Variants in CNTNAP4 observed in about 807,000 individuals in gnomAD.
The protein encoded by CNTNAP4 is contactin associated protein family member 4.
CNTNAP4 carries 98 observed loss-of-function variants against 148.4 expected under a neutral mutation model. The ratio of observed to expected loss-of-function variants is 0.66; its 90% confidence interval spans 0.56 to 0.78. CNTNAP4 has a LOEUF of 0.78. CNTNAP4 is among the 30% of genes least tolerant of loss of function. CNTNAP4 has a pLI of 0.00. For missense variants in CNTNAP4, 1,935 were observed against 1,565.6 expected (o/e 1.24, Z -3.98); for synonymous variants, 730 against 565.1 (o/e 1.29, Z -4.14).
intron 21 of CNTNAP4, among the ~76,000 whole-genome samples, chr16:76,544,168 T>A (rs2084594908): frequency 6.6e-6 from 1 of 152,124 alleles, no homozygotes; most frequent in African/African-American, 2.4e-5. Flanking sequence ...GTTTTTATAA[T>A]GTCTGGATAT....
chr16:76,553,733 C>G, intron 22 of CNTNAP4, 103 bp from the exon 23 acceptor site: 2 of 727,710 alleles, frequency 2.7e-6, no homozygotes, highest in Non-Finnish European at 4.6e-6. Flanking sequence ...ATCCCACATT[C>G]GCCTCCATAA....
intron 19 of CNTNAP4, 87 bp downstream of exon 19, chr16:76,538,427 C>A: frequency 9.7e-7 from 1 of 1,032,418 alleles, no homozygotes; most frequent in South Asian, 1.5e-5. Flanking sequence ...TCTGGCTTCT[C>A]AAGCTACAAA....
intron 2 of CNTNAP4, among the ~76,000 whole-genome samples, chr16:76,319,449 G>A (rs1962175415): frequency 6.6e-6 from 1 of 152,154 alleles, no homozygotes; most frequent in Non-Finnish European, 1.5e-5. Context: ...TCCATTCGAA[G>A]TATGCTAATT....
chr16:76,415,056 A>T (rs1384455391), intron 3 of CNTNAP4, among the ~76,000 whole-genome samples: 3 of 151,272 alleles, frequency 2.0e-5, no homozygotes, highest in Non-Finnish European at 4.5e-5. Context: ...TCAAAATGAA[A>T]AATAATTACA....
At chr16:76,305,612 G>T (rs979699008) in intron 1 of CNTNAP4, among the ~76,000 whole-genome samples, 2 of 152,158 alleles carry the variant, frequency 1.3e-5, no homozygotes, top group African/African-American at 4.8e-5. Flanking sequence ...GGTTTACTTG[G>T]CTTAGCAGTG....
chr16:76,474,463 T>C (rs1334146518), intron 10 of CNTNAP4, among the ~76,000 whole-genome samples: 1 of 151,918 alleles, frequency 6.6e-6, no homozygotes, highest in East Asian at 1.9e-4. Flanking sequence ...GTCCTTATAA[T>C]AAGGAAAAAA....
intron 2 of CNTNAP4, among the ~76,000 whole-genome samples, chr16:76,325,462 C>CT (rs1329345078): frequency 6.6e-6 from 1 of 152,000 alleles, no homozygotes; most frequent in Non-Finnish European, 1.5e-5. Context: ...AGTAAGTGCC[C>CT]TAGCTATAGT....
intron 7 of CNTNAP4, among the ~76,000 whole-genome samples, chr16:76,450,218 C>T (rs908659711): frequency 2.6e-5 from 4 of 152,074 alleles, no homozygotes; most frequent in South Asian, 2.1e-4. Flanking sequence ...GGCATAATCT[C>T]GGCTCACTGC....
At chr16:76,382,213 T>C (rs1039436757) in intron 3 of CNTNAP4, among the ~76,000 whole-genome samples, 1 of 152,028 alleles carries the variant, frequency 6.6e-6, no homozygotes, top group Non-Finnish European at 1.5e-5. Flanking sequence ...TTAATAATTG[T>C]ATACAAAATT....
rs1469148571 is a variant in CNTNAP4 at position 76,505,295 on chromosome 16, A to G, written c.2365+6601A>G. On this transcript the variant is annotated intron_variant, in intron 15 of 23. Coordinates refer to ENST00000611870, the MANE Select transcript of CNTNAP4 (RefSeq NM_033401.5). Reference sequence around the variant, plus strand: ...ATACACAGTGGAATACTACTAAACAATTAAAAAATAGACTATTGATAACGT... The same window carrying G: ...ATACACAGTGGAATACTACTAAACAGTTAAAAAATAGACTATTGATAACGT... 2.6e-4 allele frequency among the ~76,000 whole-genome samples: 11 copies of G among 41,850 alleles called. 3 individuals carry two copies. The Admixed American group carries it at 3.1e-3, about 12-fold the overall frequency. The allele number at this position is 41,850 out of a possible 152,430, so 27.5% of individuals were successfully genotyped here. A position where few individuals can be genotyped will look rare whatever the true frequency, so the allele number is the denominator to read the frequency against.
At chr16:76,445,518 C>T (rs1487773513) in intron 4 of CNTNAP4, among the ~76,000 whole-genome samples, 2 of 152,060 alleles carry the variant, frequency 1.3e-5, no homozygotes, top group Non-Finnish European at 2.9e-5. Context: ...GTAAGAATGA[C>T]AGAAAATGAC....
chr16:76,321,728 G>T (rs1040343066), intron 2 of CNTNAP4, among the ~76,000 whole-genome samples: 1 of 145,618 alleles, frequency 6.9e-6, no homozygotes, highest in East Asian at 2.0e-4. Flanking sequence ...GGTGGAGGTT[G>T]TAGTGAGCTG....
At chr16:76,303,529 T>TA (rs1960191594) in intron 1 of CNTNAP4, among the ~76,000 whole-genome samples, 1 of 152,156 alleles carries the variant, frequency 6.6e-6, no homozygotes, top group Non-Finnish European at 1.5e-5. Context: ...AGCACATACT[T>TA]AGGAGGACAT....
chr16:76,331,185 T>C (rs1567731626), intron 2 of CNTNAP4, among the ~76,000 whole-genome samples: 6 of 151,920 alleles, frequency 3.9e-5, no homozygotes, highest in African/African-American at 1.5e-4. Context: ...TTGTTTTCTG[T>C]TTTTTCTTTT....
rs114487053 is a variant in CNTNAP4 at position 76,530,511 on chromosome 16, C to T, written c.2756-5034C>T. 4.6e-3 allele frequency among the ~76,000 whole-genome samples: 706 copies of T among 152,274 alleles called. 4 individuals are homozygous for T. Among genetic ancestry groups the T allele is most frequent in the African/African-American group, 0.017 (686 of 41,552 alleles). Reference sequence around the variant, plus strand: ...GTGATTATTCATCAGTGAACAACAGCTGATTTCTCTAAAATAGGCCTTAGC... The same window carrying T: ...GTGATTATTCATCAGTGAACAACAGTTGATTTCTCTAAAATAGGCCTTAGC... On this transcript the variant is annotated intron_variant, in intron 17 of 23. Transcript: ENST00000611870.
chr16:76,526,701 TCTCA>T (rs2083748865), intron 17 of CNTNAP4, among the ~76,000 whole-genome samples: 1 of 152,106 alleles, frequency 6.6e-6, no homozygotes, highest in Non-Finnish European at 1.5e-5. Flanking sequence ...TGAGACAGAG[TCTCA>T]CTATGTCACT....
intron 17 of CNTNAP4, among the ~76,000 whole-genome samples, chr16:76,534,903 C>T (rs2084150711): frequency 6.6e-6 from 1 of 152,194 alleles, no homozygotes; most frequent in East Asian, 1.9e-4. Flanking sequence ...GTTACCGTTA[C>T]ATCACTTATT....
intron 1 of CNTNAP4, among the ~76,000 whole-genome samples, chr16:76,295,922 A>T (rs966638456): frequency 1.3e-5 from 2 of 152,156 alleles, no homozygotes; most frequent in Non-Finnish European, 2.9e-5. Flanking sequence ...GGTTCCAGCG[A>T]TTCTCCTGCC....
chr16:76,436,164 G>T (rs879372709), intron 4 of CNTNAP4, among the ~76,000 whole-genome samples: 5 of 152,076 alleles, frequency 3.3e-5, no homozygotes, highest in Admixed American at 3.3e-4. Context: ...CATCACTGTT[G>T]TCTCAGGCAG....
Sources: allele counts gnomAD v4.1 joint callset (sites outside exome capture counted in the v4.1 genomes callset), GRCh38; gene constraint gnomAD v4.1.1; transcripts MANE v1.5; gene names NCBI Gene and HGNC (gene_info 2026-07-23, HGNC 2026-07-21).